QRFPR: variants seen among roughly 807,000 people sequenced by gnomAD.
The protein encoded by QRFPR is pyroglutamylated RF-amide peptide receptor.
A neutral mutation model predicts 31.3 loss-of-function variants in QRFPR; 37 were observed. The observed-to-expected ratio is 1.18, with a 90% CI of 0.91 to 1.56. The LOEUF (loss-of-function observed/expected upper bound fraction) is 1.56, where lower values mean the gene tolerates loss of function less well. Ranked by LOEUF, QRFPR falls within the 40% of genes most tolerant of loss-of-function variation. The pLI is 0.00. For missense variants in QRFPR, 542 were observed against 532.5 expected (o/e 1.02, Z -0.18); for synonymous variants, 197 against 192.0 (o/e 1.03, Z -0.22).
chr4:121,365,535 ATATATATT>A (rs1726086621), intron 1 of QRFPR, among the ~76,000 whole-genome samples: 3 of 5,640 alleles, frequency 5.3e-4, no homozygotes, highest in Admixed American at 8.1e-3. Flanking sequence ...ATTATATATA[ATATATATT>A]ATATATAATA....
intron 1 of QRFPR, among the ~76,000 whole-genome samples, chr4:121,362,137 C>T (rs1726005553): frequency 6.7e-6 from 1 of 150,162 alleles, no homozygotes; most frequent in Non-Finnish European, 1.5e-5. Flanking sequence ...TCTGGCTCAT[C>T]AGCCTCTCAC....
chr4:121,374,039 A>T (rs1285483129), intron 1 of QRFPR, among the ~76,000 whole-genome samples: 3 of 152,090 alleles, frequency 2.0e-5, no homozygotes, highest in Non-Finnish European at 4.4e-5. Context: ...AGACTGAAAA[A>T]CCTTTGTGGT....
chr4:121,340,253 C>T, intron 2 of QRFPR, 199 bp downstream of exon 2: 1 of 572,498 alleles, frequency 1.7e-6, no homozygotes, highest in Non-Finnish European at 3.1e-6. Context: ...CAAAATGATA[C>T]ATTTTCAGTT....
rs184170361 is a variant in QRFPR at position 121,380,294 on chromosome 4, G to T, written c.340+14C>A. ...TAAGAGAGAAGGAGCGAAGGAGCGG[G>T]GCGCGACTCTTACCCCCCAGCCAGT... On this transcript the variant is annotated intron_variant, in intron 1 of 5. Transcript: ENST00000394427. 1,315 of 1,595,820 alleles carry T rather than the reference G, an allele frequency of 8.2e-4. 13 individuals are homozygous for T. The African/African-American group carries it at 0.016, about 19-fold the overall frequency.
chr4:121,366,806 A>T (rs754986012), intron 1 of QRFPR, among the ~76,000 whole-genome samples: 59 of 150,216 alleles, frequency 3.9e-4, no homozygotes, highest in Non-Finnish European at 7.7e-4. Context: ...CATCTGTAAA[A>T]TGAGGATAAT....
rs1713902 is a variant in QRFPR at position 121,380,980 on chromosome 4, G to T, written c.-333C>A. The T allele has an allele frequency of 0.35, 86,385 of 246,800 alleles. 17,430 individuals are homozygous for T. The highest frequency in any genetic ancestry group is 0.63 in the East Asian group (8,100 of 12,772). The allele number at this position is 246,800 out of a possible 1,614,324, so 15.3% of individuals were successfully genotyped here. On this transcript the variant is annotated 5_prime_UTR_variant, in exon 1 of 6. Coordinates refer to ENST00000394427, the MANE Select transcript of QRFPR (RefSeq NM_198179.3). ...GGTCTGGGGTGCTGGAGCGCCACGCGAGGGTCCTGGCGCCTCTGGCTCCCC... is the reference window on the plus strand; with the variant it reads ...GGTCTGGGGTGCTGGAGCGCCACGCTAGGGTCCTGGCGCCTCTGGCTCCCC...
chr4:121,336,804 T>C lies in QRFPR; in HGVS notation c.561+3A>G. The stretch of plus-strand genomic sequence containing the variant: ...ATGATTATACATCTCAACTGGAGTC[T>C]ACCTCAAGTTGTTGCACGTGCCACA... On this transcript the variant is annotated splice_donor_region_variant and intron_variant, in intron 3 of 5. Transcript: ENST00000394427. 1 of 1,605,396 alleles carries C rather than the reference T, an allele frequency of 6.2e-7. No homozygotes were observed. Among genetic ancestry groups the C allele is most frequent in the Non-Finnish European group, 8.5e-7 (1 of 1,171,978 alleles).
intron 5 of QRFPR, among the ~76,000 whole-genome samples, chr4:121,329,921 G>A (rs546847152): frequency 7.9e-5 from 12 of 152,184 alleles, no homozygotes; most frequent in East Asian, 1.9e-4. Flanking sequence ...GTTTACATGC[G>A]TAGCCTGGTG....
chr4:121,359,128 C>T (rs1443154552), intron 1 of QRFPR, among the ~76,000 whole-genome samples: 1 of 152,130 alleles, frequency 6.6e-6, no homozygotes, highest in Non-Finnish European at 1.5e-5. Context: ...AGTAAGTATT[C>T]AAGGTGTTTC....
At position 121,365,825 on chromosome 4, in the gene QRFPR, T is replaced by A. The variant is rs1726126650; in HGVS notation, c.340+14483A>T. The stretch of plus-strand genomic sequence containing the variant: ...TAGACATTACAGTAAAGAATTTTTT[T>A]AAAACCAAGCATGTAGTTTTATCTG... On this transcript the variant is annotated intron_variant, in intron 1 of 5. Transcript: ENST00000394427. 1.4e-5 allele frequency among the ~76,000 whole-genome samples: 2 copies of A among 142,896 alleles called. 1 individual carries two copies. The highest frequency in any genetic ancestry group is 5.3e-5 in the African/African-American group (2 of 37,562). The allele number at this position is 142,896 out of a possible 152,430, so 93.7% of individuals were successfully genotyped here.
In QRFPR at chr4:121,329,584, A is replaced by G; in HGVS notation, c.1026T>C (p.Asn342=). The part of the protein sequence containing the change: ...YAFMNENFKK[N]VLSAVCYCIV... The stretch of plus-strand genomic sequence containing the variant: ...TGCAATAACAAACTGCAGACAAAAC[A>G]TTTTTTTTGAAGTTTTCATTCATAA... Residue 342 remains asparagine, a synonymous_variant, in exon 6 of 6, where the codon AAT becomes AAC. Transcript: ENST00000394427. 1 of 1,610,544 alleles carries G rather than the reference A, an allele frequency of 6.2e-7. No individual in the cohort carries two copies. The highest frequency in any genetic ancestry group is 8.5e-7 in the Non-Finnish European group (1 of 1,177,748).
chr4:121,330,494 A>G lies in QRFPR; in HGVS notation c.827T>C (p.Val276Ala). Residue 276 changes from valine to alanine, a missense_variant, in exon 5 of 6, where the codon GTG (valine) becomes GCG (alanine). Physicochemically the swap from Val to Ala is moderately conservative, Grantham distance 64. Coordinates refer to ENST00000394427, the MANE Select transcript of QRFPR (RefSeq NM_198179.3). Reference sequence around the variant, plus strand: ...CACAGCAAAGAGAGCCACCACTGTCACCATCATAATGACAGCTCGTTTCTT... The same window carrying G: ...CACAGCAAAGAGAGCCACCACTGTCGCCATCATAATGACAGCTCGTTTCTT... The part of the protein sequence containing the change: ...RKKKRAVIMM[V>A]TVVALFAVCW... 1 of 1,614,058 alleles carries G rather than the reference A, an allele frequency of 6.2e-7. No individual in the cohort carries two copies. Among genetic ancestry groups the G allele is most frequent in the South Asian group, 1.1e-5 (1 of 91,078 alleles).
In QRFPR at chr4:121,328,970, G is replaced by C. The variant is rs558278709; in HGVS notation, c.*344C>G. On this transcript the variant is annotated 3_prime_UTR_variant, in exon 6 of 6. Transcript: ENST00000394427. ...GGGGTTTCACCGTGTTAGCCAGGATGGTTTTGATCTCCTGACCTCGTGATC... is the reference window on the plus strand; with the variant it reads ...GGGGTTTCACCGTGTTAGCCAGGATCGTTTTGATCTCCTGACCTCGTGATC... 32 of 162,834 alleles carry C rather than the reference G, an allele frequency of 2.0e-4. No individual in the cohort carries two copies. The highest frequency in any genetic ancestry group is 3.6e-4 in the Non-Finnish European group (27 of 75,392). The allele number at this position is 162,834 out of a possible 1,614,324, so 10.1% of individuals were successfully genotyped here.
chr4:121,367,717 T>C (rs1726154912), intron 1 of QRFPR, among the ~76,000 whole-genome samples: 1 of 150,238 alleles, frequency 6.7e-6, no homozygotes, highest in Non-Finnish European at 1.5e-5. Context: ...TTTCTTTGGA[T>C]ACCCTCTAGG....
chr4:121,335,548 TGAGAGAGAGGCA>T (rs1469397035), intron 3 of QRFPR, among the ~76,000 whole-genome samples: 4 of 102,086 alleles, frequency 3.9e-5, no homozygotes, highest in African/African-American at 1.6e-4. Flanking sequence ...CAGCTTCTGA[TGAGAGAGAGGCA>T]GCCAATTGTA....
intron 1 of QRFPR, among the ~76,000 whole-genome samples, chr4:121,365,031 C>A (rs1726065502): frequency 6.7e-6 from 1 of 149,800 alleles, no homozygotes; most frequent in Admixed American, 6.7e-5. Flanking sequence ...ATGAGACCTA[C>A]TAGTTACTGT....
intron 1 of QRFPR, chr4:121,370,419 C>A: frequency 1.6e-6 from 1 of 640,758 alleles, no homozygotes; most frequent in Non-Finnish European, 2.9e-6. Flanking sequence ...GACGACTAAG[C>A]TGACAGATGG....
At chr4:121,374,430 G>A (rs1726313595) in intron 1 of QRFPR, among the ~76,000 whole-genome samples, 1 of 152,020 alleles carries the variant, frequency 6.6e-6, no homozygotes, top group African/African-American at 2.4e-5. Context: ...CTGAGTCCTG[G>A]AGCTGTCAGC....
intron 1 of QRFPR, among the ~76,000 whole-genome samples, chr4:121,347,312 T>C (rs1725672793): frequency 6.6e-6 from 1 of 152,190 alleles, no homozygotes; most frequent in Non-Finnish European, 1.5e-5. Context: ...CCACTTTTTT[T>C]TAATTCTACT....
Sources: gnomAD v4.1 joint callset for allele counts (sites outside exome capture counted in the v4.1 genomes callset) on GRCh38, gnomAD v4.1.1 for gene constraint, MANE v1.5 for transcripts, NCBI Gene and HGNC (gene_info 2026-07-23, HGNC 2026-07-21) for gene names.